LRP1B: variants seen among roughly 807,000 people sequenced by gnomAD.
The protein encoded by LRP1B is low-density lipoprotein receptor-related protein 1B.
In LRP1B, 217 loss-of-function variants were observed where a neutral mutation model predicts 556.6. The ratio of observed to expected loss-of-function variants is 0.39; its 90% CI spans 0.35 to 0.44. LRP1B has a LOEUF of 0.44. Among genes scored for constraint, LRP1B ranks in the 20% least tolerant of loss-of-function variants. The probability of loss-of-function intolerance (pLI) is 1.00; values close to 1 mark genes in which losing one functional copy is unlikely to be tolerated. For synonymous variants in LRP1B, 2,047 were observed against 1,865.8 expected (o/e 1.10, Z -2.50); for missense variants, 5,053 against 5,620.8 (o/e 0.90, Z 3.23).
At chr2:141,606,348 C>A (rs1452667757) in intron 2 of LRP1B, among the ~76,000 whole-genome samples, 2 of 151,982 alleles carry the variant, frequency 1.3e-5, no homozygotes, top group Non-Finnish European at 2.9e-5. Context: ...TTAGTGTTTG[C>A]AAAGCTTTGT....
At chr2:142,020,613 T>C (rs1009352186) in intron 1 of LRP1B, among the ~76,000 whole-genome samples, 1 of 152,194 alleles carries the variant, frequency 6.6e-6, no homozygotes, top group African/African-American at 2.4e-5. Context: ...GGTTAAACTT[T>C]AATTTTGTAC....
At chr2:141,729,010 C>T (rs1003193489) in intron 2 of LRP1B, among the ~76,000 whole-genome samples, 2 of 152,164 alleles carry the variant, frequency 1.3e-5, no homozygotes, top group African/African-American at 4.8e-5. Context: ...TCTCAATCAG[C>T]AAGTCCCCAT....
At chr2:141,173,605 A>G (rs113632820) in intron 7 of LRP1B, among the ~76,000 whole-genome samples, 2,420 of 152,224 alleles carry the variant, frequency 0.016, 25 homozygotes, top group Middle Eastern at 0.041. Flanking sequence ...TGTGGGGCTA[A>G]GTTTCTCACT....
chr2:141,378,613 C>A (rs1471609014), intron 3 of LRP1B, among the ~76,000 whole-genome samples: 1 of 152,176 alleles, frequency 6.6e-6, no homozygotes, highest in Non-Finnish European at 1.5e-5. Context: ...CTACAGTGAG[C>A]TAAGATAATG....
At chr2:140,931,848 T>C (rs754458159) in intron 20 of LRP1B, among the ~76,000 whole-genome samples, 1 of 152,132 alleles carries the variant, frequency 6.6e-6, no homozygotes, top group Non-Finnish European at 1.5e-5. Context: ...ATCCGCTGAA[T>C]TGGCTATGTA....
intron 41 of LRP1B, among the ~76,000 whole-genome samples, chr2:140,656,634 C>T (rs1684887929): frequency 6.6e-6 from 1 of 152,084 alleles, no homozygotes; most frequent in African/African-American, 2.4e-5. Context: ...TTGCGGACTA[C>T]TTCTGATTTT....
Position 140,896,617 on chromosome 2 carries a change from G to A in LRP1B, c.3766+6303C>T, listed in dbSNP as rs149930949. 2.5e-3 allele frequency among the ~76,000 whole-genome samples: 384 copies of A among 152,260 alleles called. 3 individuals are homozygous for A. Among genetic ancestry groups the A allele is most frequent in the African/African-American group, 9.0e-3 (374 of 41,554 alleles). On this transcript the variant is annotated intron_variant, in intron 23 of 90. Transcript: ENST00000389484. ...CTGCCTCAGTCACCTGAGTAGCTGGGACCACAGACATGCACCACCATGACT... is the reference window on the plus strand; with the variant it reads ...CTGCCTCAGTCACCTGAGTAGCTGGAACCACAGACATGCACCACCATGACT...
rs112848619 is a variant in LRP1B, at chr2:141,840,504, G to T, written c.83-30103C>A. On this transcript the variant is annotated intron_variant, in intron 1 of 90. Coordinates refer to ENST00000389484, the MANE Select transcript of LRP1B (RefSeq NM_018557.3). ...TGTCTCCTGACCTCGTGATCCGCCC[G>T]CCTCGGCCTCCCAAAGTGCTGGGAT... 2.6e-5 allele frequency among the ~76,000 whole-genome samples: 4 copies of T among 151,946 alleles called. 1 individual carries two copies. The highest frequency in any genetic ancestry group is 9.7e-5 in the African/African-American group (4 of 41,444).
chr2:140,954,282 T>C (rs1695808623), intron 18 of LRP1B, among the ~76,000 whole-genome samples: 1 of 152,162 alleles, frequency 6.6e-6, no homozygotes, highest in Non-Finnish European at 1.5e-5. Flanking sequence ...AGATGTACTG[T>C]AGACAAGAAT....
At chr2:141,474,075 T>G in intron 3 of LRP1B, among the ~76,000 whole-genome samples, 1 of 147,786 alleles carries the variant, frequency 6.8e-6, no homozygotes. Context: ...CTCCCTTCCT[T>G]TCCTCCCTCC....
chr2:141,698,758 C>T (rs912276078), intron 2 of LRP1B, among the ~76,000 whole-genome samples: 1 of 151,428 alleles, frequency 6.6e-6, no homozygotes, highest in African/African-American at 2.4e-5. Flanking sequence ...GAGCTTAGGG[C>T]ATTAACTTAG....
intron 7 of LRP1B, among the ~76,000 whole-genome samples, chr2:141,072,058 T>C (rs934932729): frequency 2.0e-5 from 3 of 152,124 alleles, no homozygotes; most frequent in African/African-American, 7.2e-5. Context: ...GCTTAAAGCA[T>C]AAGACAGGCT....
chr2:140,621,841 C>A (rs1683468679), intron 41 of LRP1B, among the ~76,000 whole-genome samples: 1 of 152,204 alleles, frequency 6.6e-6, no homozygotes, highest in African/African-American at 2.4e-5. Context: ...AGATGAGATG[C>A]AGCCTATAAA....
chr2:141,064,318 G>T (rs190465487), intron 7 of LRP1B, among the ~76,000 whole-genome samples: 5 of 152,028 alleles, frequency 3.3e-5, no homozygotes, highest in African/African-American at 1.2e-4. Context: ...TGTTTGGGAA[G>T]TTTAGTTATG....
At chr2:140,689,700 T>A (rs906740037) in intron 41 of LRP1B, among the ~76,000 whole-genome samples, 28 of 152,182 alleles carry the variant, frequency 1.8e-4, no homozygotes, top group Non-Finnish European at 2.8e-4. Context: ...TGTGTCAGTT[T>A]TCCAGTTCTC....
At chr2:141,270,719 G>A (rs1685057814) in intron 3 of LRP1B, among the ~76,000 whole-genome samples, 1 of 152,066 alleles carries the variant, frequency 6.6e-6, no homozygotes, top group Non-Finnish European at 1.5e-5. Context: ...CTATTTATAT[G>A]AGTTACTTAG....
chr2:141,916,396 G>A (rs1173195453), intron 1 of LRP1B, among the ~76,000 whole-genome samples: 4 of 80,568 alleles, frequency 5.0e-5, no homozygotes, highest in East Asian at 3.9e-4. Flanking sequence ...ACGGAGTCTC[G>A]CTCTGTCCCC....
At chr2:141,688,205 T>C (rs571791987) in intron 2 of LRP1B, among the ~76,000 whole-genome samples, 23 of 149,878 alleles carry the variant, frequency 1.5e-4, no homozygotes, top group South Asian at 4.2e-4. Flanking sequence ...CATATAAATA[T>C]ACACACACAC....
At chr2:140,268,802 A>C (rs1288746663) in intron 86 of LRP1B, among the ~76,000 whole-genome samples, 1 of 151,916 alleles carries the variant, frequency 6.6e-6, no homozygotes, top group Non-Finnish European at 1.5e-5. Flanking sequence ...ACTGTAAAAA[A>C]GGTCTTACTC....
Sources: allele counts gnomAD v4.1 joint callset (sites outside exome capture counted in the v4.1 genomes callset), GRCh38; gene constraint gnomAD v4.1.1; transcripts MANE v1.5; gene names NCBI Gene and HGNC (gene_info 2026-07-23, HGNC 2026-07-21).